The following ZNF469 variants were observed in gnomAD, a reference collection of about 807,000 sequenced individuals.
ZNF469 encodes zinc finger protein 469.
Under a neutral mutation model 1.0 loss-of-function variants are expected in ZNF469, and 1 was observed. That is an observed-to-expected ratio of 1.00 (90% CI 0.35 to 4.73). ZNF469 has a LOEUF of 4.73. Ranked by LOEUF, ZNF469 falls within the 30% of genes most tolerant of loss-of-function variation. The pLI, the probability that ZNF469 is intolerant of heterozygous loss-of-function variation, is 0.16. For synonymous variants in ZNF469, 2,703 were observed against 2,363.4 expected, an observed-to-expected ratio of 1.14 and a Z score of -4.17; for missense variants, 6,100 against 5,356.3, an observed-to-expected ratio of 1.14 and a Z score of -4.33.
chr16:88,223,972 C>A, the ZNF469 span, among the ~76,000 whole-genome samples: 10 of 152,220 alleles, frequency 6.6e-5, no homozygotes, highest in Admixed American at 2.6e-4. Context: ...GGGGTTGGGG[C>A]ATTTTTATTA....
chr16:88,398,393 G>C (rs1435402313), intron 1 of ZNF469, among the ~76,000 whole-genome samples: 2 of 123,794 alleles, frequency 1.6e-5, no homozygotes, highest in Non-Finnish European at 3.6e-5. Flanking sequence ...CGGATGAAGG[G>C]ACATGTGAGC....
At chr16:88,323,146 A>G in the ZNF469 span, among the ~76,000 whole-genome samples, 1 of 152,122 alleles carries the variant, frequency 6.6e-6, no homozygotes, top group African/African-American at 2.4e-5. Context: ...CTGGGTGCCC[A>G]TGTTGTGCAG....
At position 88,430,896 on chromosome 16, in the gene ZNF469, G is replaced by A. The variant is rs1404621264; in HGVS notation, c.3426G>A (p.Ala1142=). ...AGCCACAGAAACCCCGGAAGGCGGC[G>A]AGGCAGGAAGCCGGCGGGGACGGAG... is the stretch of plus-strand genomic sequence containing the variant. The part of the protein sequence containing the change: ...EDEPQKPRKA[A]RQEAGGDGAP... The change falls in exon 3 of 3, where the codon GCG becomes GCA. Residue 1142 remains alanine (A), a synonymous_variant. Transcript: ENST00000565624. The A allele has an allele frequency of 1.2e-5, 19 of 1,537,594 alleles. No homozygotes were observed. Among genetic ancestry groups the A allele is most frequent in the Admixed American group, 3.9e-5 (2 of 50,870 alleles).
chr16:88,290,163 A>T, the ZNF469 span, among the ~76,000 whole-genome samples: 2 of 152,256 alleles, frequency 1.3e-5, no homozygotes, highest in Admixed American at 1.3e-4. Context: ...ACCGCGGCTT[A>T]GCACGCCAGC....
chr16:88,204,969 G>A, the ZNF469 span, among the ~76,000 whole-genome samples: 9 of 152,264 alleles, frequency 5.9e-5, no homozygotes, highest in East Asian at 1.9e-4. Flanking sequence ...CCAAGTGTGC[G>A]CCAGCTGCAG....
At chr16:88,415,192 C>T (rs554505743) in intron 1 of ZNF469, among the ~76,000 whole-genome samples, 1 of 152,270 alleles carries the variant, frequency 6.6e-6, no homozygotes, top group African/African-American at 2.4e-5. Flanking sequence ...GCCCGGTGAC[C>T]ACCCGGAACA....
chr16:88,196,469 A>T, the ZNF469 span, among the ~76,000 whole-genome samples: 3 of 152,200 alleles, frequency 2.0e-5, no homozygotes, highest in African/African-American at 7.2e-5. Flanking sequence ...GACATGTCCA[A>T]CGTTCAGAAT....
At chr16:88,336,000 C>G in the ZNF469 span, among the ~76,000 whole-genome samples, 2 of 151,898 alleles carry the variant, frequency 1.3e-5, no homozygotes, top group Non-Finnish European at 2.9e-5. Context: ...GCACCAATAC[C>G]ACACATGTTC....
the ZNF469 span, among the ~76,000 whole-genome samples, chr16:88,367,349 G>A: frequency 8.5e-5 from 13 of 152,226 alleles, no homozygotes; most frequent in Admixed American, 8.5e-4. Flanking sequence ...AGGAACAAGA[G>A]GGGTTAAGCT....
the ZNF469 span, among the ~76,000 whole-genome samples, chr16:88,341,968 G>T: frequency 6.6e-6 from 1 of 152,264 alleles, no homozygotes; most frequent in South Asian, 2.1e-4. Context: ...TGTGGACTTC[G>T]AGGTGCCCAG....
intron 1 of ZNF469, among the ~76,000 whole-genome samples, chr16:88,402,030 G>GGATGGATGGATAGAT (rs1904895010): frequency 6.7e-6 from 1 of 149,304 alleles, no homozygotes; most frequent in African/African-American, 2.5e-5. Context: ...GTGGGTGGAT[G>GGATGGATGGATAGAT]GGTAGATGGA....
chr16:88,335,692 C>G, the ZNF469 span, among the ~76,000 whole-genome samples: 1 of 152,346 alleles, frequency 6.6e-6, no homozygotes, highest in South Asian at 2.1e-4. Context: ...CGATAAGCAT[C>G]GAATCAATGA....
the ZNF469 span, among the ~76,000 whole-genome samples, chr16:88,107,767 C>T: frequency 5.9e-5 from 9 of 152,228 alleles, no homozygotes; most frequent in African/African-American, 1.2e-4. Flanking sequence ...AGTCAGGGCA[C>T]GCCTGGCTTG....
At chr16:88,231,256 C>T in the ZNF469 span, among the ~76,000 whole-genome samples, 1 of 152,162 alleles carries the variant, frequency 6.6e-6, no homozygotes, top group Non-Finnish European at 1.5e-5. This position sits in a 1 kb window ranked among gnomAD's most constrained non-coding sequence, Gnocchi z 4.5. Flanking sequence ...AGGAGGGAGA[C>T]AGCACCTGGA....
intron 1 of ZNF469, among the ~76,000 whole-genome samples, chr16:88,400,566 G>A (rs1249786067): frequency 1.3e-5 from 2 of 152,150 alleles, no homozygotes; most frequent in Non-Finnish European, 2.9e-5. Context: ...CTGGGGCCAG[G>A]GACCCAACTG....
chr16:88,248,687 G>A, the ZNF469 span, among the ~76,000 whole-genome samples: 3 of 152,180 alleles, frequency 2.0e-5, no homozygotes, highest in Non-Finnish European at 2.9e-5. Flanking sequence ...CAGCATCATG[G>A]AACTTTGGAG....
rs201666199 is a variant in ZNF469 at position 88,433,332 on chromosome 16, C to T, written c.5862C>T (p.Pro1954=). ...TVEGGKVACG[P]AQGSPGGVQV... ...AAGGAGGGAAGGTGGCCTGTGGCCC[C>T]GCCCAGGGCTCCCCAGGGGGTGTGC... Residue 1954 remains proline (P), a synonymous_variant, in exon 3 of 3, where the codon CCC becomes CCT. Transcript: ENST00000565624. 196 of 1,550,300 alleles carry T rather than the reference C, an allele frequency of 1.3e-4. 1 individual carries two copies. In the African/African-American group the frequency reaches 2.4e-3, roughly 19 times the overall value.
chr16:88,118,850 G>T, the ZNF469 span, among the ~76,000 whole-genome samples: 1 of 152,212 alleles, frequency 6.6e-6, no homozygotes, highest in Non-Finnish European at 1.5e-5. Context: ...AAGCAATAGA[G>T]AATGCTGAGA....
the ZNF469 span, among the ~76,000 whole-genome samples, chr16:88,235,645 G>A: frequency 6.6e-6 from 1 of 152,216 alleles, no homozygotes; most frequent in Admixed American, 6.5e-5. Flanking sequence ...GGAGGTCAAC[G>A]TTTCAAGGAA....
Sources: gnomAD v4.1 joint callset for allele counts (sites outside exome capture counted in the v4.1 genomes callset) on GRCh38, gnomAD v4.1.1 for gene constraint, Gnocchi (gnomAD v3.1) non-coding constraint, MANE v1.5 for transcripts, NCBI Gene and HGNC (gene_info 2026-07-23, HGNC 2026-07-21) for gene names.